FILIP1L: variants seen among roughly 807,000 people sequenced by gnomAD.
FILIP1L encodes filamin A interacting protein 1 like.
FILIP1L carries 55 observed loss-of-function variants against 96.6 expected under a neutral mutation model. The ratio of observed to expected loss-of-function variants is 0.57; its 90% CI spans 0.46 to 0.71. The LOEUF (loss-of-function observed/expected upper bound fraction) is 0.71, where lower values mean the gene tolerates loss of function less well. FILIP1L is among the 30% of genes least tolerant of loss of function. The pLI is 0.00. For missense variants in FILIP1L, 1,304 were observed against 1,321.2 expected (o/e 0.99, Z 0.20); for synonymous variants, 467 against 473.9 (o/e 0.99, Z 0.19).
intron 1 of FILIP1L, among the ~76,000 whole-genome samples, chr3:99,941,260 A>G (rs1323751928): frequency 1.3e-5 from 2 of 152,184 alleles, no homozygotes. Flanking sequence ...GAAGTGTTAT[A>G]AAGCTCACAG....
chr3:100,018,545 A>G (rs1710410864), intron 1 of FILIP1L, among the ~76,000 whole-genome samples: 1 of 152,148 alleles, frequency 6.6e-6, no homozygotes, highest in African/African-American at 2.4e-5. Flanking sequence ...ACCATCTACG[A>G]AAATCAACTC....
chr3:99,894,626 G>A (rs372427925), intron 4 of FILIP1L, among the ~76,000 whole-genome samples: 49 of 152,274 alleles, frequency 3.2e-4, no homozygotes, highest in African/African-American at 1.2e-3. Context: ...TTAAATGTAG[G>A]AAGTTTACTA....
At chr3:99,939,248 T>G (rs1048283558) in intron 1 of FILIP1L, among the ~76,000 whole-genome samples, 2 of 152,228 alleles carry the variant, frequency 1.3e-5, no homozygotes, top group African/African-American at 4.8e-5. Context: ...ACTTGTTATA[T>G]GCCTGTGAGT....
intron 1 of FILIP1L, among the ~76,000 whole-genome samples, chr3:99,955,665 A>T (rs1559702448): frequency 6.6e-6 from 1 of 152,228 alleles, no homozygotes; most frequent in Non-Finnish European, 1.5e-5. Context: ...CTCTTTGATG[A>T]TAATGAAATA....
chr3:100,110,561 G>T (rs1353023773), intron 1 of FILIP1L, among the ~76,000 whole-genome samples: 2 of 152,094 alleles, frequency 1.3e-5, no homozygotes, highest in African/African-American at 4.8e-5. Context: ...ACATGTACAG[G>T]AAATTCCAGG....
intron 4 of FILIP1L, among the ~76,000 whole-genome samples, chr3:99,919,043 TA>T (rs774839074): frequency 6.6e-6 from 1 of 152,222 alleles, no homozygotes; most frequent in African/African-American, 2.4e-5. Context: ...GCTTTCAAAA[TA>T]TTTTTTTTAA....
At chr3:99,987,231 A>C (rs1483012026) in intron 1 of FILIP1L, among the ~76,000 whole-genome samples, 4 of 133,484 alleles carry the variant, frequency 3.0e-5, no homozygotes, top group African/African-American at 1.1e-4. Flanking sequence ...CCTGTCTCTT[A>C]AGGGGAAAAA....
intron 3 of FILIP1L, among the ~76,000 whole-genome samples, chr3:99,928,191 C>A (rs1707357493): frequency 6.6e-6 from 1 of 152,166 alleles, no homozygotes; most frequent in South Asian, 2.1e-4. Context: ...TTTCTTCAGC[C>A]CTGTGTAGGA....
At chr3:99,831,865 A>G (rs1451603298) in intron 5 of FILIP1L, among the ~76,000 whole-genome samples, 3 of 152,334 alleles carry the variant, frequency 2.0e-5, no homozygotes, top group Admixed American at 2.0e-4. Context: ...GTGCTGCCAT[A>G]ATTGAACTTC....
intron 1 of FILIP1L, among the ~76,000 whole-genome samples, chr3:100,086,020 A>G (rs1250616399): frequency 6.6e-6 from 1 of 152,246 alleles, no homozygotes; most frequent in East Asian, 1.9e-4. Flanking sequence ...TGAAAAGTAC[A>G]TCTGCATTTG....
chr3:100,102,795 G>A (rs2066331909), intron 1 of FILIP1L, among the ~76,000 whole-genome samples: 1 of 152,164 alleles, frequency 6.6e-6, no homozygotes, highest in South Asian at 2.1e-4. Context: ...CTTTTTCTGA[G>A]ATCAGTGACT....
In FILIP1L at chr3:99,996,727, C is replaced by T. The variant is rs140653953; in HGVS notation, c.-10-65697G>A. Reference sequence around the variant, plus strand: ...TGAGGAAGATGCAAAAGCGGAAACTCCTGATAAAACCATCAGATCTCGTGA... The same window carrying T: ...TGAGGAAGATGCAAAAGCGGAAACTTCTGATAAAACCATCAGATCTCGTGA... On this transcript the variant is annotated intron_variant, in intron 1 of 5. Coordinates refer to ENST00000477258, the MANE Select transcript of FILIP1L (RefSeq NM_001387850.1). Among the ~76,000 whole-genome samples the T allele has an allele frequency of 7.3e-3, 1,104 of 152,034 alleles. 19 individuals carry two copies. The highest frequency in any genetic ancestry group is 0.025 in the African/African-American group (1,017 of 41,464).
intron 1 of FILIP1L, among the ~76,000 whole-genome samples, chr3:100,000,184 T>A (rs1709802700): frequency 1.3e-5 from 2 of 152,218 alleles, no homozygotes; most frequent in South Asian, 4.1e-4. Context: ...TCTTCCTGCC[T>A]TCTTCTGATC....
chr3:99,839,564 C>T (rs1200641833), intron 5 of FILIP1L, among the ~76,000 whole-genome samples: 1 of 152,200 alleles, frequency 6.6e-6, no homozygotes, highest in Non-Finnish European at 1.5e-5. Flanking sequence ...TCTCCCCCGA[C>T]TCCATTTAAA....
At chr3:100,014,577 T>G (rs998900811) in intron 1 of FILIP1L, among the ~76,000 whole-genome samples, 2 of 152,158 alleles carry the variant, frequency 1.3e-5, no homozygotes, top group Non-Finnish European at 2.9e-5. Context: ...AAATTTTGTT[T>G]CCCTGATGTC....
chr3:100,090,581 T>C (rs1300046621), intron 1 of FILIP1L, among the ~76,000 whole-genome samples: 1 of 152,194 alleles, frequency 6.6e-6, no homozygotes, highest in East Asian at 1.9e-4. Flanking sequence ...CTGGGCTCTT[T>C]CTCTGCAACA....
chr3:99,839,311 T>C (rs1433683717), intron 5 of FILIP1L, among the ~76,000 whole-genome samples: 1 of 152,242 alleles, frequency 6.6e-6, no homozygotes, highest in Non-Finnish European at 1.5e-5. Flanking sequence ...TCTGCATAGC[T>C]GCCTGGCACA....
intron 4 of FILIP1L, among the ~76,000 whole-genome samples, chr3:99,868,688 T>G (rs1482655410): frequency 6.6e-6 from 1 of 152,214 alleles, no homozygotes; most frequent in Non-Finnish European, 1.5e-5. Flanking sequence ...ATTTGTCTTT[T>G]AACCTCAGGT....
chr3:99,949,935 G>A (rs560031221), intron 1 of FILIP1L, among the ~76,000 whole-genome samples: 51 of 152,264 alleles, frequency 3.3e-4, no homozygotes, highest in African/African-American at 1.1e-3. Context: ...TTCTGTTGCT[G>A]CTTTATACAT....
Sources: gnomAD v4.1 joint callset for allele counts (sites outside exome capture counted in the v4.1 genomes callset) on GRCh38, gnomAD v4.1.1 for gene constraint, MANE v1.5 for transcripts, NCBI Gene and HGNC (gene_info 2026-07-23, HGNC 2026-07-21) for gene names.